RDH12: variants seen among roughly 807,000 people sequenced by gnomAD.
RDH12 encodes all-trans and 9-cis retinol dehydrogenase.
In RDH12, 21 loss-of-function variants were observed where a neutral mutation model predicts 34.0. That is an observed-to-expected ratio of 0.62 (90% CI 0.44 to 0.89). The LOEUF (loss-of-function observed/expected upper bound fraction) is 0.89. RDH12 is among the 40% of genes least tolerant of loss of function. The probability of loss-of-function intolerance (pLI) is 0.00; values close to 1 mark genes in which losing one functional copy is unlikely to be tolerated. For missense variants in RDH12, 394 were observed against 398.6 expected (o/e 0.99, Z 0.10); for synonymous variants, 198 against 169.9 (o/e 1.17, Z -1.29).
intron 1 of RDH12, among the ~76,000 whole-genome samples, chr14:67,711,823 C>G (rs2038011391): frequency 6.6e-6 from 1 of 152,148 alleles, no homozygotes; most frequent in Non-Finnish European, 1.5e-5. Flanking sequence ...TCTGATGGTT[C>G]TAGAGGGAGA....
chr14:67,704,493 C>A (rs527552625), intron 1 of RDH12, among the ~76,000 whole-genome samples: 15 of 152,224 alleles, frequency 9.9e-5, no homozygotes, highest in African/African-American at 3.6e-4. Context: ...CCATTTTGGC[C>A]ACTGCTGCTT....
At chr14:67,726,009 A>T (rs2038180938) in intron 5 of RDH12, 42 bp from the exon 6 acceptor site, 1 of 1,301,960 alleles carries the variant, frequency 7.7e-7, no homozygotes, top group African/African-American at 1.5e-5. Flanking sequence ...CAGCTAGGGG[A>T]CTCCTTGCTA....
chr14:67,709,007 G>T (rs2037981765), intron 1 of RDH12, among the ~76,000 whole-genome samples: 1 of 152,126 alleles, frequency 6.6e-6, no homozygotes, highest in Admixed American at 6.5e-5. Flanking sequence ...TGGCCAGGAT[G>T]GTCTCGATCT....
chr14:67,718,544 G>A (rs1215192831), intron 1 of RDH12, among the ~76,000 whole-genome samples: 1 of 152,160 alleles, frequency 6.6e-6, no homozygotes, highest in Admixed American at 6.5e-5. Context: ...TGGCTGATCC[G>A]GGAACCTGAC....
At chr14:67,724,958 C>T (rs1468820528) in intron 4 of RDH12, 141 bp from the exon 5 acceptor site, 12 of 1,014,736 alleles carry the variant, frequency 1.2e-5, no homozygotes, top group Admixed American at 5.1e-5. Flanking sequence ...GTGAAAAGCC[C>T]GAAGTGGCAA....
At chr14:67,726,691 C>A (rs546026202) in intron 6 of RDH12, among the ~76,000 whole-genome samples, 1 of 152,278 alleles carries the variant, frequency 6.6e-6, no homozygotes, top group South Asian at 2.1e-4. Context: ...ACCTGGGTCC[C>A]TAGTTATGCG....
chr14:67,704,261 A>G (rs1261726467), intron 1 of RDH12, among the ~76,000 whole-genome samples: 2 of 152,232 alleles, frequency 1.3e-5, no homozygotes, highest in Non-Finnish European at 2.9e-5. Flanking sequence ...GAGGAGGAGC[A>G]GCTAGAGGCA....
rs1428608501 is a variant in RDH12 at position 67,733,802 on chromosome 14, G to A, written c.905G>A (p.Arg302His). 14 of 1,613,334 alleles carry A rather than the reference G, an allele frequency of 8.7e-6. No individual in the cohort carries two copies. Among genetic ancestry groups the A allele is most frequent in the Non-Finnish European group, 1.1e-5 (13 of 1,179,572 alleles). The stretch of plus-strand genomic sequence containing the variant: ...GCCCGAAATAACAAAACAGCTGAGC[G>A]CCTATGGAATGTCAGCTGTGAGCTT... ...PRARNNKTAE[R>H]LWNVSCELLG... Residue 302 changes from arginine (R) to histidine (H), a missense_variant, in exon 9 of 9, where the codon CGC (arginine) becomes CAC (histidine). Physicochemically the swap from Arg to His is conservative, Grantham distance 29. Coordinates refer to ENST00000551171, the MANE Select transcript of RDH12 (RefSeq NM_152443.3).
intron 5 of RDH12, 26 bp from the exon 6 acceptor site, chr14:67,726,025 A>T (rs527737972): frequency 6.6e-7 from 1 of 1,522,726 alleles, no homozygotes; most frequent in South Asian, 1.1e-5. Context: ...TGCTAACCAT[A>T]GGATCTCTTT....
intron 4 of RDH12, 62 bp downstream of exon 4, chr14:67,724,653 C>A: frequency 2.5e-6 from 3 of 1,199,352 alleles, no homozygotes; most frequent in Non-Finnish European, 3.7e-6. Flanking sequence ...CCACTGGGGC[C>A]TCTGTCCATA....
At chr14:67,722,742 T>C in intron 3 of RDH12, 32 bp downstream of exon 3, 5 of 1,568,400 alleles carry the variant, frequency 3.2e-6, no homozygotes, top group Non-Finnish European at 4.4e-6. Flanking sequence ...CAAACAATCG[T>C]TTACAAAGAC....
At chr14:67,725,528 G>T (rs2038175471) in intron 5 of RDH12, among the ~76,000 whole-genome samples, 1 of 152,206 alleles carries the variant, frequency 6.6e-6, no homozygotes, top group Non-Finnish European at 1.5e-5. Flanking sequence ...TGGCCACAAT[G>T]CCACTCTCTT....
At chr14:67,722,740 C>T (rs1318701600) in intron 3 of RDH12, 30 bp downstream of exon 3, 2 of 1,580,088 alleles carry the variant, frequency 1.3e-6, no homozygotes, top group Admixed American at 1.7e-5. Context: ...CTCAAACAAT[C>T]GTTTACAAAG....
chr14:67,712,502 AAAAAAAAAAAAAAAAGAC>A (rs2038020749), intron 1 of RDH12, among the ~76,000 whole-genome samples: 1 of 132,170 alleles, frequency 7.6e-6, no homozygotes, highest in Non-Finnish European at 1.5e-5. Flanking sequence ...GCAAAAAAAA[AAAAAAAAAAAAAAAAGAC>A]AAGGTTTTGG....
intron 8 of RDH12, among the ~76,000 whole-genome samples, chr14:67,732,919 C>G (rs569898846): frequency 6.2e-4 from 94 of 151,908 alleles, no homozygotes; most frequent in Admixed American, 2.5e-3. Flanking sequence ...CTGCATGTTC[C>G]GAATGTTTTA....
chr14:67,732,227 G>A (rs931734047), intron 8 of RDH12, among the ~76,000 whole-genome samples: 21 of 151,700 alleles, frequency 1.4e-4, no homozygotes, highest in Non-Finnish European at 2.5e-4. Flanking sequence ...GCTTGAGCTC[G>A]GGAATTCCAT....
chr14:67,721,448 G>T (rs116468583), intron 2 of RDH12, among the ~76,000 whole-genome samples: 1 of 152,204 alleles, frequency 6.6e-6, no homozygotes, highest in African/African-American at 2.4e-5. Context: ...GTCTCACTAA[G>T]TTGCCTAAGC....
At position 67,729,330 on chromosome 14, in the gene RDH12, G is replaced by C; in HGVS notation, c.798G>C (p.Leu266=). The change falls in exon 8 of 9, where the codon CTG becomes CTC. Residue 266 remains leucine, a synonymous_variant. Transcript: ENST00000551171. ...KTAREGAQTS[L]HCALAEGLEP... is the part of the protein sequence containing the mutation. ...CACGGGAGGGGGCGCAGACCAGCCTGCACTGCGCCCTGGCTGAGGGCCTGG... is the reference window on the plus strand; with the variant it reads ...CACGGGAGGGGGCGCAGACCAGCCTCCACTGCGCCCTGGCTGAGGGCCTGG... 1 of 1,599,500 alleles carries C rather than the reference G, an allele frequency of 6.3e-7. No individual in the cohort carries two copies. The highest frequency in any genetic ancestry group is 8.5e-7 in the Non-Finnish European group (1 of 1,179,850).
chr14:67,719,023 A>G (rs187267348), intron 1 of RDH12, among the ~76,000 whole-genome samples: 5 of 152,352 alleles, frequency 3.3e-5, no homozygotes, highest in African/African-American at 9.6e-5. Flanking sequence ...AGATACACCA[A>G]CAAAGTTGGG....
Sources: allele counts gnomAD v4.1 joint callset (sites outside exome capture counted in the v4.1 genomes callset), GRCh38; gene constraint gnomAD v4.1.1; transcripts MANE v1.5; gene names NCBI Gene and HGNC (gene_info 2026-07-23, HGNC 2026-07-21).